Variants in PCDHA4 observed in about 807,000 individuals in gnomAD.
PCDHA4 encodes the protein protocadherin alpha-4.
In PCDHA4, 49 loss-of-function variants were observed where a neutral mutation model predicts 61.4. The ratio of observed to expected loss-of-function variants is 0.80; its 90% CI spans 0.63 to 1.01. The LOEUF is 1.01. Among genes scored for constraint, PCDHA4 ranks in the 50% least tolerant of loss-of-function variants. The pLI is 0.00. For synonymous variants in PCDHA4, 590 were observed against 550.3 expected (o/e 1.07, Z -1.01); for missense variants, 1,254 against 1,235.8 (o/e 1.01, Z -0.22).
In PCDHA4 at chr5:140,871,116, C is replaced by A. The variant is rs200344692; in HGVS notation, c.2385+61544C>A. On this transcript the variant is annotated intron_variant, in intron 1 of 3. Transcript: ENST00000530339. The stretch of plus-strand genomic sequence containing the variant: ...CCGTGCTGGTGTCGTTGGTGGAGAG[C>A]GGACAGGCGCCAAAGGCCTCTTCCC... The A allele has an allele frequency of 4.3e-4, 686 of 1,613,264 alleles. 1 individual carries two copies. Among genetic ancestry groups the A allele is most frequent in the Middle Eastern group, 2.1e-3 (13 of 6,062 alleles).
At chr5:140,842,109 A>C (rs2150329529) in intron 1 of PCDHA4, 16 of 1,613,740 alleles carry the variant, frequency 9.9e-6, no homozygotes, top group Non-Finnish European at 1.4e-5. Context: ...ACAGTTATCA[A>C]ACTGAATGCT....
chr5:140,834,265 T>G lies in PCDHA4; in HGVS notation c.2385+24693T>G, dbSNP rs2150214692. 46 of 1,021,472 alleles carry G rather than the reference T, an allele frequency of 4.5e-5. No individual in the cohort carries two copies. The South Asian group carries it at 6.6e-4, about 15-fold the overall frequency. The allele number at this position is 1,021,472 out of a possible 1,614,324, so 63.3% of individuals were successfully genotyped here. On this transcript the variant is annotated intron_variant, in intron 1 of 3. Coordinates refer to ENST00000530339, the MANE Select transcript of PCDHA4 (RefSeq NM_018907.4). ...CGCACTGGAAAGACGCTCCACTCTC[T>G]TTCACTCTTTGGATGCACAACAATG...
intron 1 of PCDHA4, among the ~76,000 whole-genome samples, chr5:140,922,238 T>C (rs1554200737): frequency 6.6e-6 from 1 of 152,210 alleles, no homozygotes; most frequent in East Asian, 1.9e-4. Context: ...CCATGATGTG[T>C]ATGAAGATAA....
intron 1 of PCDHA4, chr5:140,968,325 C>T (rs148804197): frequency 1.2e-6 from 2 of 1,613,988 alleles, no homozygotes; most frequent in African/African-American, 2.7e-5. Context: ...CCAGTCACCT[C>T]CTATGTCTCC....
intron 1 of PCDHA4, among the ~76,000 whole-genome samples, chr5:140,892,861 G>A (rs1422724084): frequency 2.6e-5 from 4 of 152,100 alleles, no homozygotes; most frequent in African/African-American, 9.7e-5. Flanking sequence ...TTCCTCCTGT[G>A]TAGCTATAAT....
chr5:140,917,333 G>GT (rs1401985588), intron 1 of PCDHA4, among the ~76,000 whole-genome samples: 2 of 148,632 alleles, frequency 1.3e-5, no homozygotes, highest in Admixed American at 6.7e-5. Context: ...GCGGGGGAGG[G>GT]GGGGGATGGT....
chr5:140,900,563 C>G (rs1174778855), intron 1 of PCDHA4, among the ~76,000 whole-genome samples: 4 of 152,164 alleles, frequency 2.6e-5, no homozygotes, highest in Non-Finnish European at 5.9e-5. Flanking sequence ...AGGCGTGAGC[C>G]ACGGCACCGG....
At chr5:140,851,140 G>A in intron 1 of PCDHA4, 2 of 1,310,362 alleles carry the variant, frequency 1.5e-6, no homozygotes, top group East Asian at 5.4e-5. Context: ...TGATTAAAGT[G>A]ACATTGAATT....
At chr5:140,946,867 G>A (rs1194586546) in intron 1 of PCDHA4, among the ~76,000 whole-genome samples, 1 of 151,282 alleles carries the variant, frequency 6.6e-6, no homozygotes, top group Non-Finnish European at 1.5e-5. Context: ...GGAGAGGTTG[G>A]TCAATGGGTA....
At chr5:140,882,344 A>T in intron 1 of PCDHA4, 2 of 1,614,084 alleles carry the variant, frequency 1.2e-6, no homozygotes, top group Admixed American at 3.3e-5. Flanking sequence ...AGCCTGGGAG[A>T]CGGGTAGTGG....
At chr5:140,950,751 T>G (rs1051693960) in intron 1 of PCDHA4, among the ~76,000 whole-genome samples, 3 of 152,154 alleles carry the variant, frequency 2.0e-5, no homozygotes, top group African/African-American at 7.2e-5. Flanking sequence ...CTCTCTATCC[T>G]TTCTGGACTC....
intron 1 of PCDHA4, chr5:140,812,764 A>G (rs1266568194): frequency 6.6e-6 from 1 of 152,142 alleles, no homozygotes; most frequent in Non-Finnish European, 1.5e-5. Context: ...TGCCCAGCTT[A>G]ATATTCCTTC....
chr5:140,879,761 G>A (rs2058106657), intron 1 of PCDHA4, among the ~76,000 whole-genome samples: 1 of 152,152 alleles, frequency 6.6e-6, no homozygotes, highest in South Asian at 2.1e-4. Flanking sequence ...TACTCTCTTT[G>A]GAGGCCCCAG....
intron 1 of PCDHA4, among the ~76,000 whole-genome samples, chr5:140,948,865 C>A (rs1358865868): frequency 1.3e-5 from 2 of 151,324 alleles, no homozygotes; most frequent in Non-Finnish European, 3.0e-5. Context: ...TATATTACTT[C>A]GGGTTTACTT....
intron 1 of PCDHA4, chr5:140,836,629 C>CGA: frequency 4.3e-6 from 7 of 1,613,468 alleles, no homozygotes; most frequent in Non-Finnish European, 5.9e-6. Flanking sequence ...GGGAGCTGGT[C>CGA]ATTCTCCCAG....
chr5:140,984,140 A>G (rs2097088641), intron 3 of PCDHA4, among the ~76,000 whole-genome samples: 1 of 152,240 alleles, frequency 6.6e-6, no homozygotes, highest in Non-Finnish European at 1.5e-5. Context: ...ATGTGGAGGC[A>G]TCTGGGAAGG....
intron 1 of PCDHA4, chr5:140,836,630 A>T (rs2150266222): frequency 6.2e-7 from 1 of 1,613,502 alleles, no homozygotes. Context: ...GGAGCTGGTC[A>T]TTCTCCCAGC....
At chr5:140,944,046 G>A (rs782798105) in intron 1 of PCDHA4, among the ~76,000 whole-genome samples, 3 of 152,158 alleles carry the variant, frequency 2.0e-5, no homozygotes, top group Non-Finnish European at 4.4e-5. Context: ...AACCAGATTG[G>A]GATACAAAAA....
Position 140,807,156 on chromosome 5 carries a change from A to G in PCDHA4, c.-32A>G. ...ATTTCCCTTGACTTTGAGAAACGAT[A>G]TTTAATCAGAACAAAATACTGTGCA... On this transcript the variant is annotated 5_prime_UTR_variant, in exon 1 of 4. It adds an upstream start codon to the 5' untranslated region. Coordinates refer to ENST00000530339, the MANE Select transcript of PCDHA4 (RefSeq NM_018907.4). 2 of 1,589,232 alleles carry G rather than the reference A, an allele frequency of 1.3e-6. No individual in the cohort carries two copies. Among genetic ancestry groups the G allele is most frequent in the Non-Finnish European group, 1.7e-6 (2 of 1,167,616 alleles).
Sources: gnomAD v4.1 joint callset for allele counts (sites outside exome capture counted in the v4.1 genomes callset) on GRCh38, gnomAD v4.1.1 for gene constraint, MANE v1.5 for transcripts, NCBI Gene and HGNC (gene_info 2026-07-23, HGNC 2026-07-21) for gene names.